Variants in PTPRD observed in about 807,000 individuals in gnomAD.
PTPRD encodes the protein protein tyrosine phosphatase receptor type D, also known as receptor-type tyrosine-protein phosphatase delta.
Under a neutral mutation model 214.5 loss-of-function variants are expected in PTPRD, and 34 were observed. That is an observed-to-expected ratio of 0.16 (90% CI 0.12 to 0.21). The LOEUF is 0.21. Ranked by LOEUF, PTPRD falls within the 10% of genes least tolerant of loss-of-function variation. The pLI is 1.00. For missense variants in PTPRD, 2,545 were observed against 2,398.7 expected, an observed-to-expected ratio of 1.06 and a Z score of -1.27; for synonymous variants, 1,128 against 845.7, an observed-to-expected ratio of 1.33 and a Z score of -5.79.
At chr9:8,516,846 C>T (rs1366671052) in intron 21 of PTPRD, among the ~76,000 whole-genome samples, 3 of 145,242 alleles carry the variant, frequency 2.1e-5, no homozygotes, top group Non-Finnish European at 4.5e-5. Flanking sequence ...TGCTGTCACC[C>T]AGGCTGGAGT....
In PTPRD at chr9:9,088,495, G is replaced by A. The variant is rs578145582; in HGVS notation, c.-142-69760C>T. The stretch of plus-strand genomic sequence containing the variant: ...CTCGGGAGGATGAGGCATGAGATTT[G>A]TTTGAACCCAGGAGGTCGGGGTTGC... On this transcript the variant is annotated intron_variant, in intron 10 of 45. Transcript: ENST00000381196. Among the ~76,000 whole-genome samples, 285 of 138,912 alleles carry A rather than the reference G, an allele frequency of 2.1e-3. 1 individual carries two copies. The Middle Eastern group carries it at 0.028, about 14-fold the overall frequency. The allele number at this position is 138,912 out of a possible 152,430, so 91.1% of individuals were successfully genotyped here. A position where few individuals can be genotyped will look rare whatever the true frequency, so the allele number is the denominator to read the frequency against.
chr9:9,136,860 G>A (rs10977517), intron 10 of PTPRD, among the ~76,000 whole-genome samples: 5,881 of 152,254 alleles, frequency 0.039, 244 homozygotes, highest in African/African-American at 0.093. Flanking sequence ...CAGTATTGGA[G>A]TTGTGTATTT....
intron 2 of PTPRD, among the ~76,000 whole-genome samples, chr9:10,351,085 G>A (rs934159551): frequency 1.3e-5 from 2 of 152,058 alleles, no homozygotes; most frequent in Admixed American, 1.3e-4. Context: ...AAAAAGAGAA[G>A]TCATGATACA....
chr9:9,115,060 C>T (rs1157901197), intron 10 of PTPRD, among the ~76,000 whole-genome samples: 1 of 152,056 alleles, frequency 6.6e-6, no homozygotes, highest in African/African-American at 2.4e-5. Flanking sequence ...TGAACTGGAG[C>T]TCAGAAAGAT....
At chr9:10,278,242 T>G (rs565181039) in intron 3 of PTPRD, among the ~76,000 whole-genome samples, 2 of 152,334 alleles carry the variant, frequency 1.3e-5, no homozygotes, top group East Asian at 3.9e-4. Context: ...AAATAATGTT[T>G]GAGAAAATAA....
intron 34 of PTPRD, chr9:8,437,201 A>C: frequency 6.6e-7 from 1 of 1,524,256 alleles, no homozygotes; most frequent in Non-Finnish European, 8.8e-7. Flanking sequence ...AACTAACTTG[A>C]AGAATGAAGG....
At chr9:8,584,069 ACCTGAG>A (rs1225826098) in intron 14 of PTPRD, among the ~76,000 whole-genome samples, 1 of 152,116 alleles carries the variant, frequency 6.6e-6, no homozygotes, top group African/African-American at 2.4e-5. Context: ...CAGGAGGATC[ACCTGAG>A]CCTGGTAGTT....
rs1361843827 is a variant in PTPRD, at chr9:10,513,293, A to AT, written c.-600+99104dup. 2.0e-5 allele frequency among the ~76,000 whole-genome samples: 3 copies of AT among 152,132 alleles called. No homozygotes were observed. In the East Asian group the frequency reaches 5.8e-4, roughly 29 times the overall value. ...AGTTACCAGTATGAGGAATATCAGT[A>AT]TATCAGTGAATGACTATAAGTGCAA... On this transcript the variant is annotated intron_variant, in intron 2 of 45. Transcript: ENST00000381196.
chr9:9,010,377 C>T (rs1470666855), intron 11 of PTPRD, among the ~76,000 whole-genome samples: 1 of 152,182 alleles, frequency 6.6e-6, no homozygotes, highest in African/African-American at 2.4e-5. Flanking sequence ...ATATTCCATT[C>T]TCACCTTTTA....
At chr9:8,651,869 G>T (rs1401886285) in intron 12 of PTPRD, among the ~76,000 whole-genome samples, 1 of 152,134 alleles carries the variant, frequency 6.6e-6, no homozygotes, top group East Asian at 1.9e-4. Flanking sequence ...TAGACACAAG[G>T]TAACACTACA....
At position 10,550,228 on chromosome 9, in the gene PTPRD, G is replaced by A. The variant is rs563632218; in HGVS notation, c.-600+62170C>T. Reference sequence around the variant, plus strand: ...TCTTCACTATCCACAAGTCCCCTTTGCTAAACTATTAACTGACAAAATAAA... The same window carrying A: ...TCTTCACTATCCACAAGTCCCCTTTACTAAACTATTAACTGACAAAATAAA... On this transcript the variant is annotated intron_variant, in intron 2 of 45. Transcript: ENST00000381196. Among the ~76,000 whole-genome samples, 673 of 152,198 alleles carry A rather than the reference G, an allele frequency of 4.4e-3. 4 individuals are homozygous for A. The highest frequency in any genetic ancestry group is 7.7e-3 in the Non-Finnish European group (525 of 68,018).
chr9:10,352,089 T>C (rs142066739), intron 2 of PTPRD, among the ~76,000 whole-genome samples: 345 of 152,194 alleles, frequency 2.3e-3, no homozygotes, highest in African/African-American at 7.8e-3. Flanking sequence ...ATCTCTGGAC[T>C]CTGCTTGTAG....
At chr9:9,430,944 A>C (rs1435408791) in intron 8 of PTPRD, among the ~76,000 whole-genome samples, 1 of 152,236 alleles carries the variant, frequency 6.6e-6, no homozygotes, top group East Asian at 1.9e-4. Context: ...TAAAACCATA[A>C]AAATCTTAGA....
chr9:8,823,809 T>G (rs1427501293), intron 11 of PTPRD, among the ~76,000 whole-genome samples: 1 of 152,172 alleles, frequency 6.6e-6, no homozygotes, highest in Non-Finnish European at 1.5e-5. Context: ...ACGGTGAGTT[T>G]GCAGTGCAAA....
At chr9:10,044,991 G>A (rs1321637172) in intron 3 of PTPRD, among the ~76,000 whole-genome samples, 1 of 151,610 alleles carries the variant, frequency 6.6e-6, no homozygotes, top group East Asian at 1.9e-4. Context: ...AGCATATAGA[G>A]GCTACTCTCT....
At chr9:10,400,215 T>C (rs1321714199) in intron 2 of PTPRD, among the ~76,000 whole-genome samples, 1 of 151,782 alleles carries the variant, frequency 6.6e-6, no homozygotes, top group African/African-American at 2.4e-5. Flanking sequence ...AGAAGGATAA[T>C]AATAGTGCTC....
chr9:8,808,215 C>T (rs758872763), intron 11 of PTPRD, among the ~76,000 whole-genome samples: 57 of 152,156 alleles, frequency 3.7e-4, no homozygotes, highest in Non-Finnish European at 6.0e-4. Context: ...CACCATACCA[C>T]TGGAATAGAG....
chr9:10,128,926 T>A (rs1052707581), intron 3 of PTPRD, among the ~76,000 whole-genome samples: 4 of 152,150 alleles, frequency 2.6e-5, no homozygotes, highest in Non-Finnish European at 4.4e-5. Flanking sequence ...CAAAGCTGAA[T>A]TAGAGTGTCA....
intron 5 of PTPRD, among the ~76,000 whole-genome samples, chr9:9,903,786 C>T (rs565272106): frequency 6.6e-6 from 1 of 152,190 alleles, no homozygotes; most frequent in Non-Finnish European, 1.5e-5. Context: ...TCTTAACTCT[C>T]TAGCTTTATC....
Sources: gnomAD v4.1 joint callset for allele counts (sites outside exome capture counted in the v4.1 genomes callset) on GRCh38, gnomAD v4.1.1 for gene constraint, MANE v1.5 for transcripts, NCBI Gene and HGNC (gene_info 2026-07-23, HGNC 2026-07-21) for gene names.